The following SCN1A variants were observed in gnomAD, a reference collection of about 807,000 sequenced individuals.
SCN1A encodes the protein sodium channel protein type 1 subunit alpha.
SCN1A carries 13 observed loss-of-function variants against 193.7 expected under a neutral mutation model. That is an observed-to-expected ratio of 0.07 (90% CI 0.04 to 0.11). The LOEUF (loss-of-function observed/expected upper bound fraction) is 0.11, where lower values mean the gene tolerates loss of function less well. Ranked by LOEUF, SCN1A falls within the 10% of genes least tolerant of loss-of-function variation. SCN1A has a pLI of 1.00. For synonymous variants in SCN1A, 781 were observed against 843.6 expected (o/e 0.93, Z 1.29); for missense variants, 1,432 against 2,451.1 (o/e 0.58, Z 8.78).
At chr2:166,144,403 C>T (rs1352129960) in intron 1 of SCN1A, among the ~76,000 whole-genome samples, 2 of 152,154 alleles carry the variant, frequency 1.3e-5, no homozygotes, top group Non-Finnish European at 1.5e-5. Context: ...ATTATTCCCT[C>T]TTAAGGGGGT....
chr2:166,005,444 C>G (rs1022370970), intron 23 of SCN1A, among the ~76,000 whole-genome samples: 1 of 151,372 alleles, frequency 6.6e-6, no homozygotes. Flanking sequence ...AAAGCGAACT[C>G]TATGGAATTT....
chr2:166,067,970 G>T (rs887166343), intron 4 of SCN1A, among the ~76,000 whole-genome samples: 2 of 152,020 alleles, frequency 1.3e-5, no homozygotes, highest in African/African-American at 4.8e-5. Context: ...AGGAAACCTG[G>T]GCCTTTTTTC....
chr2:166,147,027 C>T (rs1692351123), intron 1 of SCN1A, among the ~76,000 whole-genome samples: 1 of 152,164 alleles, frequency 6.6e-6, no homozygotes, highest in Non-Finnish European at 1.5e-5. Flanking sequence ...CAGACTTCAG[C>T]ATGCCTCACA....
rs13421166 is a variant in SCN1A, at chr2:166,047,246, C to A, written c.1171-270G>T. 0.74 allele frequency among the ~76,000 whole-genome samples: 112,204 copies of A among 152,034 alleles called. 41,805 individuals carry two copies. Among genetic ancestry groups the A allele is most frequent in the East Asian group, 0.89 (4,607 of 5,172 alleles). On this transcript the variant is annotated intron_variant, in intron 11 of 28. Coordinates refer to ENST00000674923, the MANE Select transcript of SCN1A (RefSeq NM_001165963.4). ...AAAATGCCATGGAGTCCTCCATTAA[C>A]GACCTGAGCCTTTAGGAAAGTCAAG...
rs146878122 is a variant in SCN1A, at chr2:166,009,822, G to A, written c.3899C>T (p.Thr1300Ile). 160 of 1,606,822 alleles carry A rather than the reference G, an allele frequency of 1.0e-4. 1 individual carries two copies. The Middle Eastern group carries it at 1.0e-3, about 10-fold the overall frequency. Residue 1300 changes from threonine (T) to isoleucine (I), a missense_variant, in exon 23 of 29, where the codon ACA (threonine) becomes ATA (isoleucine). Physicochemically the swap from Thr to Ile is moderately conservative, Grantham distance 89 (BLOSUM62 -1). Around this residue, in one of 18 missense-constraint regions of SCN1A, gnomAD observed 107 missense variants for 259.4 expected, o/e 0.41. Coordinates refer to ENST00000674923, the MANE Select transcript of SCN1A (RefSeq NM_001165963.4). ...TTCTGAGTAACCCAAGGCATTTGCT[G>A]TTAAACTGACCAATGAAACCTGCAC... ...LIVDVSLVSL[T>I]ANALGYSELG...
intron 19 of SCN1A, chr2:166,016,032 AGAG>A (rs1693255046): frequency 2.9e-6 from 1 of 344,234 alleles, no homozygotes; most frequent in Non-Finnish European, 5.5e-6. Flanking sequence ...GACACAGGGA[AGAG>A]AAGAGGGAGG....
intron 1 of SCN1A, among the ~76,000 whole-genome samples, chr2:166,142,482 G>A (rs539177732): frequency 6.6e-6 from 1 of 152,270 alleles, no homozygotes; most frequent in Admixed American, 6.5e-5. Flanking sequence ...TCCTGGTTGT[G>A]CTTACTACTA....
rs1450117695 is a variant in SCN1A at position 165,991,459 on chromosome 2, G to A, written c.5816C>T (p.Ser1939Phe). Residue 1939 changes from serine to phenylalanine, a missense_variant, in exon 29 of 29, where the codon TCC becomes TTC. Physicochemically the swap from Ser to Phe is radical, Grantham distance 155. Coordinates refer to ENST00000674923, the MANE Select transcript of SCN1A (RefSeq NM_001165963.4). ...HLLKRTVKQASFTYNKNKIKG... is the reference protein window; with the variant it reads ...HLLKRTVKQAFFTYNKNKIKG... Reference sequence around the variant, plus strand: ...GATTTTGTTTTTATTGTACGTAAAGGAAGCTTGTTTTACAGTTCGCTTTAA... The same window carrying A: ...GATTTTGTTTTTATTGTACGTAAAGAAAGCTTGTTTTACAGTTCGCTTTAA... 6.2e-7 allele frequency: 1 copy of A among 1,613,854 alleles called. No homozygotes were observed. Among genetic ancestry groups the A allele is most frequent in the Non-Finnish European group, 8.5e-7 (1 of 1,179,872 alleles).
chr2:166,035,941 A>T lies in SCN1A; in HGVS notation c.3429+107T>A, dbSNP rs1696279719. ...TTTTGTATTATCATAAAGTAAAAAA[A>T]AAAAAAAATCTTAAGTCAAAACATC... is the stretch of plus-strand genomic sequence containing the variant. On this transcript the variant is annotated intron_variant, in intron 19 of 28. Coordinates refer to ENST00000674923, the MANE Select transcript of SCN1A (RefSeq NM_001165963.4). The T allele has an allele frequency of 5.6e-6, 7 of 1,248,396 alleles. No individual in the cohort carries two copies. In the African/African-American group the frequency reaches 6.1e-5, roughly 11 times the overall value. 77.3% of individuals were successfully genotyped at this position (1,248,396 alleles called of 1,614,324 possible).
chr2:166,040,389 G>C (rs1697025601), intron 16 of SCN1A, among the ~76,000 whole-genome samples: 1 of 151,782 alleles, frequency 6.6e-6, no homozygotes, highest in Non-Finnish European at 1.5e-5. Flanking sequence ...ATTATACTAG[G>C]TGCATTACTA....
chr2:166,001,816 A>G (rs889311426), intron 24 of SCN1A, among the ~76,000 whole-genome samples: 1 of 150,236 alleles, frequency 6.7e-6, no homozygotes, highest in African/African-American at 2.4e-5. Context: ...GTCATTTGAG[A>G]TAAGACAACA....
Position 166,012,256 on chromosome 2 carries a change from C to T in SCN1A, c.3732G>A (p.Gln1244=), listed in dbSNP as rs369688121. 8.7e-6 allele frequency: 14 copies of T among 1,608,900 alleles called. No individual in the cohort carries two copies. In the African/African-American group the frequency reaches 1.5e-4, roughly 17 times the overall value. Residue 1244 remains glutamine, a synonymous_variant, in exon 22 of 29, where the codon CAG becomes CAA. Coordinates refer to ENST00000674923, the MANE Select transcript of SCN1A (RefSeq NM_001165963.4). ...CCAACATCGTCTTAATCGTCTTTCG[C>T]TGATCAATATATATATCTTCAAATG... is the stretch of plus-strand genomic sequence containing the variant. The part of the protein sequence containing the change: ...ALAFEDIYID[Q]RKTIKTMLEY...
At chr2:166,036,567 C>T in intron 18 of SCN1A, 37 bp from the exon 19 acceptor site, 1 of 1,599,014 alleles carries the variant, frequency 6.3e-7, no homozygotes, top group Non-Finnish European at 8.6e-7. Flanking sequence ...AATTTTACAC[C>T]AATGTAGGGA....
chr2:166,127,376 A>G (rs1440677761), intron 1 of SCN1A, among the ~76,000 whole-genome samples: 1 of 152,176 alleles, frequency 6.6e-6, no homozygotes, highest in Non-Finnish European at 1.5e-5. Context: ...CTTAAGAACA[A>G]TATGACCTCT....
chr2:166,023,517 T>C (rs1027502359), intron 19 of SCN1A, among the ~76,000 whole-genome samples: 10 of 152,212 alleles, frequency 6.6e-5, no homozygotes, highest in African/African-American at 2.4e-4. Flanking sequence ...TCTATGACTT[T>C]GTAGTGTTTG....
Position 166,036,253 on chromosome 2 carries a change from T to C in SCN1A, c.3224A>G (p.Tyr1075Cys), listed in dbSNP as rs1226603266. Residue 1075 changes from tyrosine to cysteine, a missense_variant, in exon 19 of 29, where the codon TAT (tyrosine) becomes TGT (cysteine). Coordinates refer to ENST00000674923, the MANE Select transcript of SCN1A (RefSeq NM_001165963.4). ...TGTAGTTCCATTTACATCTTTAAGA[T>C]AGTCAAGATCTTTCCCAATTTCTGC... ...HTAEIGKDLD[Y>C]LKDVNGTTSG... The C allele has an allele frequency of 2.5e-6, 4 of 1,613,822 alleles. No individual in the cohort carries two copies. The Admixed American group carries it at 5.0e-5, about 20-fold the overall frequency.
At chr2:166,145,142 ATTTT>A (rs10527781) in intron 1 of SCN1A, among the ~76,000 whole-genome samples, 2 of 129,062 alleles carry the variant, frequency 1.5e-5, no homozygotes, top group African/African-American at 2.8e-5. Context: ...GGCCTAAGTA[ATTTT>A]TTTTTTTTTT....
intron 2 of SCN1A, among the ~76,000 whole-genome samples, chr2:166,096,588 C>T (rs1366688458): frequency 6.6e-6 from 1 of 152,100 alleles, no homozygotes; most frequent in Non-Finnish European, 1.5e-5. Context: ...CCTGAGAGAT[C>T]ATGTTTTTTA....
At chr2:166,138,326 A>G (rs1370375958) in intron 1 of SCN1A, among the ~76,000 whole-genome samples, 3 of 152,244 alleles carry the variant, frequency 2.0e-5, no homozygotes, top group African/African-American at 7.2e-5. Flanking sequence ...AGAGGCCTTC[A>G]TAGCAGCTCC....
Sources: gnomAD v4.1 joint callset for allele counts (sites outside exome capture counted in the v4.1 genomes callset) on GRCh38, gnomAD v4.1.1 for gene constraint, gnomAD v4.1.1 regional missense constraint, MANE v1.5 for transcripts, NCBI Gene and HGNC (gene_info 2026-07-23, HGNC 2026-07-21) for gene names.